N4BP3: variants seen among roughly 807,000 people sequenced by gnomAD.
N4BP3 encodes NEDD4 binding protein 3, also known as NEDD4-binding protein 3.
Under a neutral mutation model 43.8 loss-of-function variants are expected in N4BP3, and 33 were observed. The ratio of observed to expected loss-of-function variants is 0.75; its 90% confidence interval spans 0.57 to 1.01. The LOEUF is 1.01. Ranked by LOEUF, N4BP3 falls within the 50% of genes least tolerant of loss-of-function variation. The pLI is 0.00. For synonymous variants in N4BP3, 326 were observed against 321.9 expected, an observed-to-expected ratio of 1.01 and a Z score of -0.14; for missense variants, 756 against 744.2, an observed-to-expected ratio of 1.02 and a Z score of -0.18.
chr5:178,122,142 A>G lies in N4BP3; in HGVS notation c.*141A>G. ...GGAGGCGCAAGGAGAGGAGGGATCC[A>G]GTGGGGCCGTGGGCTGGGTAGGGTG... On this transcript the variant is annotated 3_prime_UTR_variant, in exon 5 of 5. Coordinates refer to ENST00000274605, the MANE Select transcript of N4BP3 (RefSeq NM_015111.2). 9.0e-7 allele frequency: 1 copy of G among 1,114,176 alleles called. No individual in the cohort carries two copies. The highest frequency in any genetic ancestry group is 1.2e-6 in the Non-Finnish European group (1 of 809,332). 69.0% of individuals were successfully genotyped at this position (1,114,176 alleles called of 1,614,324 possible).
chr5:178,118,274 C>T lies in N4BP3; in HGVS notation c.-30-1280C>T, dbSNP rs377072830. Among the ~76,000 whole-genome samples the T allele has an allele frequency of 2.0e-5, 3 of 152,174 alleles. No individual in the cohort carries two copies. Among genetic ancestry groups the T allele is most frequent in the Admixed American group, 6.5e-5 (1 of 15,286 alleles). ...TGATGTTTGTGTGCCTGGCTGAGCT[C>T]GGCTCCAGCCAGCCTGTTGACCCTG... On this transcript the variant is annotated intron_variant, in intron 1 of 4. Transcript: ENST00000274605. The surrounding 1 kb of genome is among the most constrained non-coding windows in gnomAD (Gnocchi z 5.4).
At position 178,121,215 on chromosome 5, in the gene N4BP3, T is replaced by G. The variant is rs772651864; in HGVS notation, c.970T>G (p.Phe324Val). 6.2e-7 allele frequency: 1 copy of G among 1,603,408 alleles called. No individual in the cohort carries two copies. The change falls in exon 4 of 5, where the codon TTT (phenylalanine) becomes GTT (valine). Residue 324 changes from phenylalanine (F) to valine (V), a missense_variant. Phe to Val is a conservative substitution (Grantham distance 50, BLOSUM62 -1). Transcript: ENST00000274605. ...RSERNLQLQLFMAQQEQRRLR... is the reference protein window; with the variant it reads ...RSERNLQLQLVMAQQEQRRLR... The stretch of plus-strand genomic sequence containing the variant: ...CGAGCGCAACCTCCAGCTGCAGCTG[T>G]TTATGGCTCAGCAGGAGCAGCGGCG...
In N4BP3 at chr5:178,120,612, C is replaced by G. The variant is rs144684333; in HGVS notation, c.765C>G (p.Ala255=). ...PPPYEFSCSS[A]EEMGAVLPET... Reference sequence around the variant, plus strand: ...CCTACGAGTTCTCCTGCTCCTCTGCCGAGGAAATGGGAGCCGTGCTGCCCG... The same window carrying G: ...CCTACGAGTTCTCCTGCTCCTCTGCGGAGGAAATGGGAGCCGTGCTGCCCG... The change falls in exon 3 of 5, where the codon GCC becomes GCG. Residue 255 remains alanine (A), a synonymous_variant. Coordinates refer to ENST00000274605, the MANE Select transcript of N4BP3 (RefSeq NM_015111.2). The G allele has an allele frequency of 1.8e-4, 285 of 1,611,468 alleles. No individual in the cohort carries two copies. The African/African-American group carries it at 3.6e-3, about 20-fold the overall frequency.
Position 178,121,299 on chromosome 5 carries a change from A to G in N4BP3, c.1054A>G (p.Thr352Ala). 11 of 1,606,174 alleles carry G rather than the reference A, an allele frequency of 6.8e-6. No homozygotes were observed. Among genetic ancestry groups the G allele is most frequent in the Non-Finnish European group, 9.4e-6 (11 of 1,175,608 alleles). ...GLAPEPRAPG[T>A]LPEADPSARP... ...GGCTCCGGAGCCTCGGGCCCCCGGC[A>G]CCCTCCCAGAGGCTGACCCCAGTGC... Residue 352 changes from threonine to alanine, a missense_variant, in exon 4 of 5, where the codon ACC (threonine) becomes GCC (alanine). By Grantham distance (58) the Thr-to-Ala change is moderately conservative. Coordinates refer to ENST00000274605, the MANE Select transcript of N4BP3 (RefSeq NM_015111.2).
At position 178,123,828 on chromosome 5, in the gene N4BP3, C is replaced by G. The variant is rs564338548; in HGVS notation, c.*1827C>G. The G allele has an allele frequency of 6.5e-6, 1 of 152,998 alleles. No homozygotes were observed. The highest frequency in any genetic ancestry group is 2.4e-5 in the African/African-American group (1 of 41,462). The allele number at this position is 152,998 out of a possible 1,614,324, so 9.5% of individuals were successfully genotyped here. A position where few individuals can be genotyped will look rare whatever the true frequency, so the allele number is the denominator to read the frequency against. ...CTCTACCCCATTCCTTCCTGTCAGCCCCAGTCTGTCTTGGCACTGGCCAGG... is the reference window on the plus strand; with the variant it reads ...CTCTACCCCATTCCTTCCTGTCAGCGCCAGTCTGTCTTGGCACTGGCCAGG... On this transcript the variant is annotated 3_prime_UTR_variant, in exon 5 of 5. Coordinates refer to ENST00000274605, the MANE Select transcript of N4BP3 (RefSeq NM_015111.2).
rs1298453352 is a variant in N4BP3 at position 178,123,197 on chromosome 5, G to C, written c.*1196G>C. On this transcript the variant is annotated 3_prime_UTR_variant, in exon 5 of 5. Transcript: ENST00000274605. ...CCTTTGCTCCCCCGCTGGGTGCCCG[G>C]CCTGGAACACAGGTTCTGTCTGGCT... 6.6e-6 allele frequency: 1 copy of C among 152,394 alleles called. No individual in the cohort carries two copies. Among genetic ancestry groups the C allele is most frequent in the African/African-American group, 2.4e-5 (1 of 41,466 alleles). The allele number at this position is 152,394 out of a possible 1,614,324, so 9.4% of individuals were successfully genotyped here.
At chr5:178,119,161 G>T (rs1285648699) in intron 1 of N4BP3, among the ~76,000 whole-genome samples, 1 of 152,210 alleles carries the variant, frequency 6.6e-6, no homozygotes, top group Non-Finnish European at 1.5e-5. Context: ...ACCGCGCCCG[G>T]CCAAGTTTGT....
intron 1 of N4BP3, among the ~76,000 whole-genome samples, chr5:178,116,388 C>T (rs1334911885): frequency 2.4e-3 from 1 of 420 alleles, no homozygotes; most frequent in African/African-American, 8.3e-3. Flanking sequence ...GCTGATAATC[C>T]AGTCAGTCAG....
At chr5:178,126,984 G>C (rs1758077913), downstream of N4BP3, among the ~76,000 whole-genome samples, 1 of 152,164 alleles carries the variant, frequency 6.6e-6, no homozygotes, top group Non-Finnish European at 1.5e-5. Flanking sequence ...CACATTTTGT[G>C]GGACTCCTGT....
rs1411004384 is a variant in N4BP3, at chr5:178,120,455, C to G, written c.608C>G (p.Thr203Ser). 6.2e-7 allele frequency: 1 copy of G among 1,613,068 alleles called. No individual in the cohort carries two copies. Among genetic ancestry groups the G allele is most frequent in the Non-Finnish European group, 8.5e-7 (1 of 1,180,012 alleles). Residue 203 changes from threonine to serine, a missense_variant, in exon 3 of 5, where the codon ACT becomes AGT. By Grantham distance (58) the Thr-to-Ser change is moderately conservative. Transcript: ENST00000274605. ...SGGSFGRSPG[T>S]GPSPFSSSLG... Reference sequence around the variant, plus strand: ...GGTAGTTTTGGTCGCAGTCCTGGTACTGGCCCTAGCCCCTTCAGCTCCTCC... The same window carrying G: ...GGTAGTTTTGGTCGCAGTCCTGGTAGTGGCCCTAGCCCCTTCAGCTCCTCC...
chr5:178,120,312 C>A lies in N4BP3; in HGVS notation c.465C>A (p.His155Gln). The change falls in exon 3 of 5, where the codon CAC becomes CAA. Residue 155 changes from histidine to glutamine, a missense_variant. By Grantham distance (24) the His-to-Gln change is conservative. Transcript: ENST00000274605. ...SNGSLHTLAC[H>Q]PPLSPGPRAS... is the part of the protein sequence containing the mutation. ...GCAGCCTGCACACGCTGGCCTGCCA[C>A]CCGCCCCTGAGCCCCGGGCCCCGGG... is the stretch of plus-strand genomic sequence containing the variant. The A allele has an allele frequency of 6.2e-7, 1 of 1,609,518 alleles. No individual in the cohort carries two copies. Among genetic ancestry groups the A allele is most frequent in the Non-Finnish European group, 8.5e-7 (1 of 1,177,982 alleles).
At position 178,125,881 on chromosome 5, in the gene N4BP3, G is replaced by A. The variant is rs1456611336; in HGVS notation, c.*3880G>A. 5 of 131,094 alleles carry A rather than the reference G, an allele frequency of 3.8e-5. No homozygotes were observed. The highest frequency in any genetic ancestry group is 1.7e-4 in the Admixed American group (2 of 12,046). 8.1% of individuals were successfully genotyped at this position (131,094 alleles called of 1,614,324 possible). A position where few individuals can be genotyped will look rare whatever the true frequency, so the allele number is the denominator to read the frequency against. On this transcript the variant is annotated 3_prime_UTR_variant, in exon 5 of 5. Coordinates refer to ENST00000274605, the MANE Select transcript of N4BP3 (RefSeq NM_015111.2). ...CCACTGATCTGCTTTCACAATAACCGTATGGGGTTTTTTCTCTTTCCTTTT... is the reference window on the plus strand; with the variant it reads ...CCACTGATCTGCTTTCACAATAACCATATGGGGTTTTTTCTCTTTCCTTTT...
chr5:178,120,721 A>G, intron 3 of N4BP3, 22 bp downstream of exon 3: 5 of 1,553,218 alleles, frequency 3.2e-6, no homozygotes, highest in Non-Finnish European at 4.3e-6. Flanking sequence ...CCTGCCCTGG[A>G]GTCCTGTTCT....
rs780333830 is a variant in N4BP3, at chr5:178,121,727, G to A, written c.1361G>A (p.Gly454Glu). The change falls in exon 5 of 5, where the codon GGG becomes GAG. Residue 454 changes from glycine to glutamate, a missense_variant. Transcript: ENST00000274605. ...GACTGCAAGAGCAGGGGCCTGCTAG[G>A]GGAGGCAGGAGGCAGCGAGGCCAGA... ...TDDCKSRGLL[G>E]EAGGSEARDS... is the part of the protein sequence containing the mutation. 1.9e-6 allele frequency: 3 copies of A among 1,608,588 alleles called. No individual in the cohort carries two copies. The Admixed American group carries it at 5.0e-5, about 27-fold the overall frequency.
Position 178,121,637 on chromosome 5 carries a change from A to AGGCTGTGCGC in N4BP3, c.1272_1281dup (p.Ser428GlyfsTer19). On this transcript the variant is annotated frameshift_variant, in exon 5 of 5. Transcript: ENST00000274605. LOFTEE classifies it high-confidence loss of function. ...GACGCAGAGCTGGTCCGGCTGCGCGAGGCTGTGCGCAGCCTGCAGGAGCAG... is the reference window on the plus strand; with the variant it reads ...GACGCAGAGCTGGTCCGGCTGCGCGAGGCTGTGCGCGGCTGTGCGCAGCCTGCAGGAGCAG... The AGGCTGTGCGC allele has an allele frequency of 1.2e-6, 2 of 1,612,684 alleles. No homozygotes were observed. The highest frequency in any genetic ancestry group is 1.7e-6 in the Non-Finnish European group (2 of 1,179,874).
chr5:178,126,355 T>C (rs1561621869), downstream of N4BP3, among the ~76,000 whole-genome samples: 1 of 152,134 alleles, frequency 6.6e-6, no homozygotes, highest in Non-Finnish European at 1.5e-5. Context: ...ATTTTTTGTA[T>C]TTTTAGTACA....
chr5:178,119,829 C>T lies in N4BP3; in HGVS notation c.246C>T (p.Asp82=). ...TKRAPRNEPA[D]YATLYYREHS... is the part of the protein sequence containing the mutation. ...GGGCCCCTCGGAACGAGCCTGCCGACTATGCCACCCTCTACTACCGGGAAC... is the reference window on the plus strand; with the variant it reads ...GGGCCCCTCGGAACGAGCCTGCCGATTATGCCACCCTCTACTACCGGGAAC... The change falls in exon 2 of 5, where the codon GAC becomes GAT. Residue 82 remains aspartate (D), a synonymous_variant. Coordinates refer to ENST00000274605, the MANE Select transcript of N4BP3 (RefSeq NM_015111.2). 1 of 1,613,270 alleles carries T rather than the reference C, an allele frequency of 6.2e-7. No homozygotes were observed. The highest frequency in any genetic ancestry group is 8.5e-7 in the Non-Finnish European group (1 of 1,180,006).
chr5:178,115,120 C>T (rs1291462493), intron 1 of N4BP3, among the ~76,000 whole-genome samples: 1 of 152,192 alleles, frequency 6.6e-6, no homozygotes, highest in Non-Finnish European at 1.5e-5. Flanking sequence ...AATTACTGTC[C>T]TGTTTGCCCC....
In N4BP3 at chr5:178,118,858, C is replaced by T. The variant is rs960764441; in HGVS notation, c.-30-696C>T. Among the ~76,000 whole-genome samples the T allele has an allele frequency of 2.0e-5, 3 of 150,580 alleles. No individual in the cohort carries two copies. Among genetic ancestry groups the T allele is most frequent in the Admixed American group, 6.6e-5 (1 of 15,088 alleles). ...GTAAGCAAGGTCAGGTTCAGCCAGG[C>T]TGAGTTTTCTTTTTTTTTTTTTTTT... On this transcript the variant is annotated intron_variant, in intron 1 of 4. Transcript: ENST00000274605. This position sits in a 1 kb window ranked among gnomAD's most constrained non-coding sequence, Gnocchi z 5.4.
Sources: gnomAD v4.1 joint callset for allele counts (sites outside exome capture counted in the v4.1 genomes callset) on GRCh38, gnomAD v4.1.1 for gene constraint, Gnocchi (gnomAD v3.1) non-coding constraint, MANE v1.5 for transcripts, NCBI Gene and HGNC (gene_info 2026-07-23, HGNC 2026-07-21) for gene names.